The following ATXN7 variants were observed in gnomAD, a reference collection of about 807,000 sequenced individuals.
ATXN7 encodes ataxin 7.
Under a neutral mutation model 70.5 loss-of-function variants are expected in ATXN7, and 12 were observed. That is an observed-to-expected ratio of 0.17 (90% CI 0.11 to 0.28). The LOEUF (loss-of-function observed/expected upper bound fraction) is 0.28, where lower values mean the gene tolerates loss of function less well. Among genes scored for constraint, ATXN7 ranks in the 10% least tolerant of loss-of-function variants. ATXN7 has a pLI of 1.00. For synonymous variants in ATXN7, 498 were observed against 448.7 expected (o/e 1.11, Z -1.39); for missense variants, 1,256 against 1,131.7 (o/e 1.11, Z -1.58).
intron 1 of ATXN7, among the ~76,000 whole-genome samples, chr3:63,892,022 T>A (rs1421874460): frequency 1.3e-5 from 2 of 152,198 alleles, no homozygotes; most frequent in Non-Finnish European, 2.9e-5. Context: ...CACTTACAAG[T>A]ATTCTTTGTA....
chr3:63,955,004 C>T (rs892685852), intron 5 of ATXN7, among the ~76,000 whole-genome samples: 7 of 152,192 alleles, frequency 4.6e-5, no homozygotes, highest in Admixed American at 1.3e-4. Flanking sequence ...CCACCAAGCC[C>T]GGCCAGGAAA....
intron 8 of ATXN7, among the ~76,000 whole-genome samples, chr3:63,984,339 ACT>A (rs2075539369): frequency 1.3e-5 from 2 of 152,022 alleles, no homozygotes; most frequent in South Asian, 4.2e-4. Context: ...TAGGTTAAAA[ACT>A]CTCATAAAAC....
At chr3:63,919,956 T>G (rs539567661) in intron 4 of ATXN7, among the ~76,000 whole-genome samples, 1 of 152,088 alleles carries the variant, frequency 6.6e-6, no homozygotes, top group South Asian at 2.1e-4. Flanking sequence ...TCATGGAATT[T>G]CCATTCAAAT....
chr3:63,990,801 C>T lies in ATXN7; in HGVS notation c.1624C>T (p.Arg542Ter), dbSNP rs940227869. 6.2e-7 allele frequency: 1 copy of T among 1,614,096 alleles called. No individual in the cohort carries two copies. Among genetic ancestry groups the T allele is most frequent in the African/African-American group, 1.3e-5 (1 of 74,926 alleles). ...GYYVFDSRWNRLRCALNLMVE... is the reference protein window; with the variant it reads ...GYYVFDSRWN Reference sequence around the variant, plus strand: ...TTACGTGTTTGACTCCAGGTGGAATCGACTTCGCTGCGCCCTCAACCTCAT... The same window carrying T: ...TTACGTGTTTGACTCCAGGTGGAATTGACTTCGCTGCGCCCTCAACCTCAT... The change falls in exon 11 of 13, where the codon CGA (arginine) becomes TGA (stop). Residue 542 changes from arginine (R) to a stop codon, truncating the protein, a stop_gained. Coordinates refer to ENST00000674280, the MANE Select transcript of ATXN7 (RefSeq NM_001377405.1). LOFTEE classifies it high-confidence loss of function.
intron 5 of ATXN7, among the ~76,000 whole-genome samples, chr3:63,973,094 C>T (rs1188039442): frequency 4.6e-5 from 7 of 152,124 alleles, no homozygotes; most frequent in African/African-American, 1.7e-4. Context: ...ACGCTGCCAA[C>T]GAGGATGGAG....
chr3:63,995,005 C>T (rs532609057), intron 11 of ATXN7, among the ~76,000 whole-genome samples: 1 of 152,348 alleles, frequency 6.6e-6, no homozygotes, highest in African/African-American at 2.4e-5. Flanking sequence ...TAATTAGCTG[C>T]ACCCTTCCTT....
chr3:63,990,700 G>C, intron 10 of ATXN7, 38 bp from the exon 11 acceptor site: 1 of 1,613,910 alleles, frequency 6.2e-7, no homozygotes, highest in African/African-American at 1.3e-5. Context: ...ATGCCAGTGT[G>C]GGAGTCAGCA....
rs2075608635 is a variant in ATXN7, at chr3:63,988,107, T to C, written c.1144T>C (p.Phe382Leu). 1 of 1,613,960 alleles carries C rather than the reference T, an allele frequency of 6.2e-7. No homozygotes were observed. Among genetic ancestry groups the C allele is most frequent in the African/African-American group, 1.3e-5 (1 of 74,874 alleles). The part of the protein sequence containing the change: ...RRAVQGRRKR[F>L]DVLLAEHKNK... ...GGCTGTCCAGGGTAGAAGAAAACGA[T>C]TTGATGTGTTATTAGCCGAGCACAA... Residue 382 changes from phenylalanine (F) to leucine (L), a missense_variant, in exon 9 of 13, where the codon TTT (phenylalanine) becomes CTT (leucine). By Grantham distance (22) the Phe-to-Leu change is conservative. Transcript: ENST00000674280.
intron 4 of ATXN7, among the ~76,000 whole-genome samples, chr3:63,946,766 G>A (rs1009107752): frequency 6.6e-6 from 1 of 152,126 alleles, no homozygotes; most frequent in Non-Finnish European, 1.5e-5. Flanking sequence ...CTAGGTAGGC[G>A]CCTTGTTGCA....
chr3:63,987,348 C>T (rs970802652), intron 8 of ATXN7, among the ~76,000 whole-genome samples: 1 of 152,172 alleles, frequency 6.6e-6, no homozygotes, highest in Admixed American at 6.5e-5. Context: ...TGAAATTAGA[C>T]ATTGTCTGAA....
In ATXN7 at chr3:64,000,149, G is replaced by C. The variant is rs1226407717; in HGVS notation, c.*682G>C. ...ACTTACAAACTGGTTTGAAATTTTT[G>C]ATGCCCAGACAGCAAGTATAAATCA... On this transcript the variant is annotated 3_prime_UTR_variant, in exon 13 of 13. Transcript: ENST00000674280. The C allele has an allele frequency of 6.6e-6, 1 of 152,438 alleles. No homozygotes were observed. The highest frequency in any genetic ancestry group is 6.6e-5 in the Admixed American group (1 of 15,264). The allele number at this position is 152,438 out of a possible 1,614,324, so 9.4% of individuals were successfully genotyped here.
At chr3:63,873,007 G>A (rs1324506327) in intron 1 of ATXN7, among the ~76,000 whole-genome samples, 1 of 152,062 alleles carries the variant, frequency 6.6e-6, no homozygotes, top group Non-Finnish European at 1.5e-5. Flanking sequence ...GCATGGGGGA[G>A]GGAGAGAGGA....
At chr3:63,923,702 G>T (rs1201992197) in intron 4 of ATXN7, among the ~76,000 whole-genome samples, 1 of 152,154 alleles carries the variant, frequency 6.6e-6, no homozygotes, top group Non-Finnish European at 1.5e-5. Flanking sequence ...GCTGAGGTGG[G>T]AGGATCACTT....
At chr3:63,905,177 C>T (rs925130474) in intron 2 of ATXN7, 1 of 152,036 alleles carries the variant, frequency 6.6e-6, no homozygotes, top group Non-Finnish European at 1.5e-5. Flanking sequence ...TCAATTTACC[C>T]ATTTGGCTCT....
At chr3:63,903,548 G>A (rs745535516) in intron 2 of ATXN7, among the ~76,000 whole-genome samples, 22 of 152,016 alleles carry the variant, frequency 1.4e-4, no homozygotes, top group South Asian at 8.3e-4. Context: ...GAAAAGTAAC[G>A]GCCACATACC....
chr3:63,928,840 C>T (rs1430150955), intron 4 of ATXN7, among the ~76,000 whole-genome samples: 3 of 152,082 alleles, frequency 2.0e-5, no homozygotes, highest in Non-Finnish European at 2.9e-5. Flanking sequence ...AAGCATCAGG[C>T]GCACTCCAGA....
At chr3:63,881,799 G>A (rs1194635552) in intron 1 of ATXN7, among the ~76,000 whole-genome samples, 3 of 152,116 alleles carry the variant, frequency 2.0e-5, no homozygotes, top group Non-Finnish European at 4.4e-5. Flanking sequence ...CTTGATTGGA[G>A]CATTCTACAG....
In ATXN7 at chr3:63,956,576, A is replaced by G. The variant is rs1010668117; in HGVS notation, c.499+4093A>G. 2.6e-5 allele frequency among the ~76,000 whole-genome samples: 4 copies of G among 152,114 alleles called. No homozygotes were observed. The East Asian group carries it at 7.7e-4, about 29-fold the overall frequency. On this transcript the variant is annotated intron_variant, in intron 5 of 12. Coordinates refer to ENST00000674280, the MANE Select transcript of ATXN7 (RefSeq NM_001377405.1). ...AGCAGCTTCCCAAGGCCCACTCCAG[A>G]TGCTCTGAGTGGGAATTTCCAGAGA...
chr3:63,921,883 C>T (rs1251967806), intron 4 of ATXN7, among the ~76,000 whole-genome samples: 2 of 152,126 alleles, frequency 1.3e-5, no homozygotes, highest in African/African-American at 4.8e-5. Flanking sequence ...ACAAGCACGC[C>T]TTTAATCAAG....
Sources: gnomAD v4.1 joint callset for allele counts (sites outside exome capture counted in the v4.1 genomes callset) on GRCh38, gnomAD v4.1.1 for gene constraint, MANE v1.5 for transcripts, NCBI Gene and HGNC (gene_info 2026-07-23, HGNC 2026-07-21) for gene names.